Variants in RAB3GAP2 observed in about 807,000 individuals in gnomAD.
RAB3GAP2 encodes RAB3 GTPase activating non-catalytic protein subunit 2, also known as rab3 GTPase-activating protein non-catalytic subunit.
In RAB3GAP2, 87 loss-of-function variants were observed where a neutral mutation model predicts 185.3. The observed-to-expected ratio is 0.47, with a 90% CI of 0.39 to 0.56. RAB3GAP2 has a LOEUF of 0.56. Among genes scored for constraint, RAB3GAP2 ranks in the 20% least tolerant of loss-of-function variants. RAB3GAP2 has a pLI of 0.00. For synonymous variants in RAB3GAP2, 554 were observed against 576.1 expected, an observed-to-expected ratio of 0.96 and a Z score of 0.55; for missense variants, 1,492 against 1,638.2, an observed-to-expected ratio of 0.91 and a Z score of 1.54.
In RAB3GAP2 at chr1:220,182,863, A is replaced by G; in HGVS notation, c.2067T>C (p.Tyr689=). 1.2e-6 allele frequency: 2 copies of G among 1,613,574 alleles called. No individual in the cohort carries two copies. The highest frequency in any genetic ancestry group is 1.7e-6 in the Non-Finnish European group (2 of 1,179,730). The part of the protein sequence containing the change: ...LLKLQALLEK[Y]KQENTRTNVR... ...CATTTGTCCTGGTGTTCTCTTGCTT[A>G]TATTTCTCTAGTAATGCCTGGAGCT... The change falls in exon 20 of 35, where the codon TAT becomes TAC. Residue 689 remains tyrosine, a synonymous_variant. Coordinates refer to ENST00000358951, the MANE Select transcript of RAB3GAP2 (RefSeq NM_012414.4).
chr1:220,168,891 C>T (rs187734986), intron 24 of RAB3GAP2, among the ~76,000 whole-genome samples: 1 of 152,248 alleles, frequency 6.6e-6, no homozygotes, highest in East Asian at 1.9e-4. Flanking sequence ...CTATTGTTTA[C>T]CAAAACTTTC....
At chr1:220,166,703 A>T (rs184656254) in intron 26 of RAB3GAP2, among the ~76,000 whole-genome samples, 52 of 152,302 alleles carry the variant, frequency 3.4e-4, no homozygotes, top group Non-Finnish European at 6.2e-4. Flanking sequence ...CTGAGCAGAG[A>T]GCTGAGAGGG....
Position 220,157,840 on chromosome 1 carries a change from G to A in RAB3GAP2, c.3298C>T (p.Leu1100Phe). Residue 1100 changes from leucine (L) to phenylalanine (F), a missense_variant, in exon 30 of 35, where the codon CTC becomes TTC. Coordinates refer to ENST00000358951, the MANE Select transcript of RAB3GAP2 (RefSeq NM_012414.4). Reference sequence around the variant, plus strand: ...TGAAGAAGATCCAAACAGGAGCCGAGGAAAGATGTCATTGCTGTGTCACTC... The same window carrying A: ...TGAAGAAGATCCAAACAGGAGCCGAAGAAAGATGTCATTGCTGTGTCACTC... ...GMSDTAMTSF[L>F]GSCLDLLQIL... 1 of 1,613,766 alleles carries A rather than the reference G, an allele frequency of 6.2e-7. No homozygotes were observed. Among genetic ancestry groups the A allele is most frequent in the Non-Finnish European group, 8.5e-7 (1 of 1,179,718 alleles).
intron 12 of RAB3GAP2, among the ~76,000 whole-genome samples, chr1:220,194,700 CTT>C (rs1333517441): frequency 6.6e-6 from 1 of 152,120 alleles, no homozygotes; most frequent in East Asian, 1.9e-4. Flanking sequence ...ACTAGGATGA[CTT>C]TTTTAAAAAG....
intron 2 of RAB3GAP2, among the ~76,000 whole-genome samples, chr1:220,232,293 C>A (rs527375725): frequency 6.6e-6 from 1 of 152,218 alleles, no homozygotes; most frequent in Non-Finnish European, 1.5e-5. Context: ...GGAAATGGGG[C>A]CTAATGAGAG....
intron 29 of RAB3GAP2, 93 bp from the exon 30 acceptor site, chr1:220,157,969 C>T: frequency 1.0e-6 from 1 of 954,090 alleles, no homozygotes; most frequent in Non-Finnish European, 1.7e-6. Flanking sequence ...TACACTGGTT[C>T]AGCTGACTTT....
At chr1:220,268,061 A>T in intron 1 of RAB3GAP2, 1 of 410,362 alleles carries the variant, frequency 2.4e-6, no homozygotes, top group Non-Finnish European at 4.3e-6. Flanking sequence ...CTAGGTTAAG[A>T]AATTACAACT....
At chr1:220,162,884 G>T (rs1657987795) in intron 27 of RAB3GAP2, among the ~76,000 whole-genome samples, 1 of 151,904 alleles carries the variant, frequency 6.6e-6, no homozygotes, top group Non-Finnish European at 1.5e-5. Context: ...GCAAACTAAA[G>T]TATGTAGTTA....
chr1:220,256,826 A>G (rs962445670), intron 1 of RAB3GAP2, among the ~76,000 whole-genome samples: 1 of 152,148 alleles, frequency 6.6e-6, no homozygotes, highest in Admixed American at 6.5e-5. Context: ...ACCAACTGAC[A>G]ACATTAGATC....
chr1:220,268,254 C>T (rs780226201), intron 1 of RAB3GAP2, among the ~76,000 whole-genome samples: 2 of 152,170 alleles, frequency 1.3e-5, no homozygotes, highest in Non-Finnish European at 2.9e-5. Flanking sequence ...CAAAAGTTTA[C>T]GTTCAAAACT....
chr1:220,211,318 C>T (rs1357212521), intron 4 of RAB3GAP2: 1 of 522,796 alleles, frequency 1.9e-6, no homozygotes, highest in Non-Finnish European at 3.7e-6. Context: ...CTGAGCAAAG[C>T]TCAAATGATC....
At position 220,157,721 on chromosome 1, in the gene RAB3GAP2, T is replaced by C. The variant is rs185146104; in HGVS notation, c.3336+81A>G. ...TGAATGAAAAACAACCTCATTAAAA[T>C]AGTCATTTATTAAATGCAATGGTTT... is the stretch of plus-strand genomic sequence containing the variant. On this transcript the variant is annotated intron_variant, in intron 30 of 34. Coordinates refer to ENST00000358951, the MANE Select transcript of RAB3GAP2 (RefSeq NM_012414.4). 3.0e-5 allele frequency: 39 copies of C among 1,285,964 alleles called. No homozygotes were observed. In the East Asian group the frequency reaches 8.1e-4, roughly 27 times the overall value. 79.7% of individuals were successfully genotyped at this position (1,285,964 alleles called of 1,614,324 possible).
chr1:220,164,866 A>C, intron 26 of RAB3GAP2, 67 bp from the exon 27 acceptor site: 1 of 1,432,072 alleles, frequency 7.0e-7, no homozygotes, highest in South Asian at 1.2e-5. Flanking sequence ...TACCATTATC[A>C]ATGGAGACTT....
intron 2 of RAB3GAP2, 36 bp downstream of exon 2, chr1:220,232,763 C>A: frequency 6.5e-7 from 1 of 1,543,262 alleles, no homozygotes; most frequent in Non-Finnish European, 9.0e-7. Flanking sequence ...GAAAATGCCA[C>A]TATCAAAAAA....
intron 16 of RAB3GAP2, 68 bp from the exon 17 acceptor site, chr1:220,189,835 A>AAC: frequency 7.8e-7 from 1 of 1,281,894 alleles, no homozygotes; most frequent in Non-Finnish European, 1.1e-6. Flanking sequence ...TTCTGAAAGA[A>AAC]AATGAACATA....
intron 1 of RAB3GAP2, among the ~76,000 whole-genome samples, chr1:220,235,948 A>G (rs888489822): frequency 6.6e-6 from 1 of 152,220 alleles, no homozygotes; most frequent in African/African-American, 2.4e-5. Context: ...AGAGAATTTA[A>G]TTGGGCATCT....
intron 9 of RAB3GAP2, among the ~76,000 whole-genome samples, chr1:220,201,421 G>C (rs1658855823): frequency 6.6e-6 from 1 of 152,162 alleles, no homozygotes; most frequent in Non-Finnish European, 1.5e-5. Context: ...TAGTCAAACA[G>C]TGAGTGACTT....
At chr1:220,242,604 CCTT>C (rs1370453858) in intron 1 of RAB3GAP2, among the ~76,000 whole-genome samples, 1 of 151,976 alleles carries the variant, frequency 6.6e-6, no homozygotes, top group African/African-American at 2.4e-5. Flanking sequence ...ACTTAATCAA[CCTT>C]CTAGTATCAG....
intron 22 of RAB3GAP2, 134 bp downstream of exon 22, chr1:220,172,503 A>C (rs1553274819): frequency 1.5e-6 from 1 of 657,886 alleles, no homozygotes; most frequent in Non-Finnish European, 2.7e-6. Context: ...CTATTAATAC[A>C]TAAAAGAATC....
Sources: allele counts gnomAD v4.1 joint callset (sites outside exome capture counted in the v4.1 genomes callset), GRCh38; gene constraint gnomAD v4.1.1; transcripts MANE v1.5; gene names NCBI Gene and HGNC (gene_info 2026-07-23, HGNC 2026-07-21).